The following STXBP6 variants were observed in gnomAD, a reference collection of about 807,000 sequenced individuals.
STXBP6 encodes syntaxin-binding protein 6.
STXBP6 carries 21 observed loss-of-function variants against 26.9 expected under a neutral mutation model. The observed-to-expected ratio is 0.78, with a 90% CI of 0.55 to 1.12. The LOEUF is 1.12. Among genes scored for constraint, STXBP6 ranks in the 50% most tolerant of loss-of-function variants. STXBP6 has a pLI of 0.00. For missense variants in STXBP6, 232 were observed against 257.9 expected (o/e 0.90, Z 0.69); for synonymous variants, 97 against 92.6 (o/e 1.05, Z -0.27).
At chr14:24,849,065 C>T (rs958430465) in intron 4 of STXBP6, among the ~76,000 whole-genome samples, 17 of 152,130 alleles carry the variant, frequency 1.1e-4, no homozygotes, top group Admixed American at 2.0e-4. Context: ...AGTGGGTACA[C>T]TGCTGGGGTC....
At chr14:24,926,964 C>T (rs1365213336) in intron 2 of STXBP6, among the ~76,000 whole-genome samples, 9 of 152,118 alleles carry the variant, frequency 5.9e-5, no homozygotes, top group South Asian at 4.2e-4. Flanking sequence ...TTAATAATTA[C>T]GTCTAGCCGA....
At chr14:24,819,642 G>A (rs2068082729) in intron 4 of STXBP6, among the ~76,000 whole-genome samples, 1 of 152,112 alleles carries the variant, frequency 6.6e-6, no homozygotes, top group Non-Finnish European at 1.5e-5. Flanking sequence ...TAGGAAAACT[G>A]GGACCACAGA....
At chr14:24,987,308 C>T (rs574307178) in intron 1 of STXBP6, among the ~76,000 whole-genome samples, 39 of 152,338 alleles carry the variant, frequency 2.6e-4, no homozygotes, top group Non-Finnish European at 5.3e-4. Flanking sequence ...AGGTCTGAGC[C>T]TGTCTTTGCC....
chr14:25,035,341 G>A (rs773304338), intron 1 of STXBP6, among the ~76,000 whole-genome samples: 1 of 152,062 alleles, frequency 6.6e-6, no homozygotes, highest in Non-Finnish European at 1.5e-5. Flanking sequence ...ATAAGGATGT[G>A]GGCGGTCCTT....
At chr14:24,846,931 C>CT (rs1439669454) in intron 4 of STXBP6, among the ~76,000 whole-genome samples, 2 of 152,144 alleles carry the variant, frequency 1.3e-5, no homozygotes, top group Non-Finnish European at 2.9e-5. Flanking sequence ...TACCCCTTCA[C>CT]TAAAGGTTTT....
intron 2 of STXBP6, among the ~76,000 whole-genome samples, chr14:24,889,721 T>C (rs1386202795): frequency 6.6e-6 from 1 of 152,156 alleles, no homozygotes; most frequent in Admixed American, 6.5e-5. Flanking sequence ...AAAAATAGGG[T>C]TGGAAGACGG....
At chr14:25,000,298 C>T (rs1230512993) in intron 1 of STXBP6, among the ~76,000 whole-genome samples, 13 of 151,596 alleles carry the variant, frequency 8.6e-5, no homozygotes, top group African/African-American at 1.5e-4. Flanking sequence ...CTCCTGACCT[C>T]GTGATACGCC....
At chr14:24,924,551 A>T (rs1221567981) in intron 2 of STXBP6, among the ~76,000 whole-genome samples, 2 of 152,220 alleles carry the variant, frequency 1.3e-5, no homozygotes, top group Non-Finnish European at 2.9e-5. Flanking sequence ...AGCAAGGGTC[A>T]TGATCCAGCT....
At chr14:24,940,585 A>G (rs1025298298) in intron 2 of STXBP6, among the ~76,000 whole-genome samples, 5 of 152,146 alleles carry the variant, frequency 3.3e-5, no homozygotes, top group Non-Finnish European at 7.4e-5. Flanking sequence ...CTATGGGTCT[A>G]TTTTTATGCT....
intron 4 of STXBP6, among the ~76,000 whole-genome samples, chr14:24,834,441 T>A (rs1471582938): frequency 6.6e-6 from 1 of 152,242 alleles, no homozygotes; most frequent in African/African-American, 2.4e-5. Flanking sequence ...AATGGCATTA[T>A]TTGTAGGAAA....
At chr14:24,895,843 G>A (rs1208683836) in intron 2 of STXBP6, among the ~76,000 whole-genome samples, 1 of 152,152 alleles carries the variant, frequency 6.6e-6, no homozygotes, top group Non-Finnish European at 1.5e-5. Context: ...GTCCTCACCA[G>A]TAACAGGCAA....
intron 1 of STXBP6, among the ~76,000 whole-genome samples, chr14:25,006,384 GCT>G (rs1349354829): frequency 1.3e-5 from 2 of 152,074 alleles, no homozygotes; most frequent in Non-Finnish European, 2.9e-5. Context: ...GCTTTCTCTT[GCT>G]CTGTTTCTAA....
intron 1 of STXBP6, among the ~76,000 whole-genome samples, chr14:25,017,701 G>C (rs766944910): frequency 5.9e-5 from 9 of 152,196 alleles, no homozygotes; most frequent in Non-Finnish European, 8.8e-5. Context: ...TTAAAGAGCA[G>C]GAGTGCTTTC....
At chr14:24,962,030 A>C (rs2073557836) in intron 2 of STXBP6, among the ~76,000 whole-genome samples, 1 of 152,210 alleles carries the variant, frequency 6.6e-6, no homozygotes. Context: ...GACCAAATGC[A>C]TGAGGTACCT....
intron 2 of STXBP6, among the ~76,000 whole-genome samples, chr14:24,952,061 T>C (rs2073187242): frequency 6.6e-6 from 1 of 151,062 alleles, no homozygotes; most frequent in South Asian, 2.1e-4. Flanking sequence ...TATTAAAGAA[T>C]GAAATGATAT....
chr14:24,984,804 T>C (rs1476079213), intron 1 of STXBP6, among the ~76,000 whole-genome samples: 1 of 152,222 alleles, frequency 6.6e-6, no homozygotes, highest in Non-Finnish European at 1.5e-5. Context: ...CTTTTACAGA[T>C]GAGGAAACTA....
At chr14:24,918,060 G>A (rs1363172054) in intron 2 of STXBP6, among the ~76,000 whole-genome samples, 1 of 152,128 alleles carries the variant, frequency 6.6e-6, no homozygotes, top group African/African-American at 2.4e-5. Flanking sequence ...GTCCAGGATA[G>A]GTAAATCCAT....
chr14:24,872,221 A>G (rs1445133857), intron 2 of STXBP6, among the ~76,000 whole-genome samples: 1 of 152,228 alleles, frequency 6.6e-6, no homozygotes, highest in Admixed American at 6.5e-5. Flanking sequence ...TGGGTCTCAG[A>G]AGATAAGCAT....
intron 4 of STXBP6, among the ~76,000 whole-genome samples, chr14:24,848,572 T>A (rs1377167152): frequency 6.6e-6 from 1 of 152,118 alleles, no homozygotes; most frequent in Non-Finnish European, 1.5e-5. Flanking sequence ...GATGAAGAGA[T>A]ATGACTCAAA....
Sources: gnomAD v4.1 joint callset for allele counts (sites outside exome capture counted in the v4.1 genomes callset) on GRCh38, gnomAD v4.1.1 for gene constraint, MANE v1.5 for transcripts, NCBI Gene and HGNC (gene_info 2026-07-23, HGNC 2026-07-21) for gene names.